The following TNRC18 variants were observed in gnomAD, a reference collection of about 807,000 sequenced individuals.
TNRC18 encodes the protein trinucleotide repeat-containing gene 18 protein.
TNRC18 carries 69 observed loss-of-function variants against 226.7 expected under a neutral mutation model. That is an observed-to-expected ratio of 0.30 (90% confidence interval 0.25 to 0.37). TNRC18 has a LOEUF of 0.37. Among genes scored for constraint, TNRC18 ranks in the 10% least tolerant of loss-of-function variants. TNRC18 has a pLI of 1.00. For missense variants in TNRC18, 4,754 were observed against 4,256.6 expected, an observed-to-expected ratio of 1.12 and a Z score of -3.25; for synonymous variants, 2,449 against 1,927.6, an observed-to-expected ratio of 1.27 and a Z score of -7.09.
intron 18 of TNRC18, among the ~76,000 whole-genome samples, 192 bp from the exon 19 acceptor site, chr7:5,333,241 C>A (rs1789742188): frequency 6.6e-6 from 1 of 152,168 alleles, no homozygotes; most frequent in Non-Finnish European, 1.5e-5. Context: ...CTACGCCTGT[C>A]CCTACGCCGC....
At chr7:5,423,272 G>A (rs966390598) in intron 1 of TNRC18, 169 bp downstream of exon 1, 2 of 152,044 alleles carry the variant, frequency 1.3e-5, no homozygotes, top group Non-Finnish European at 2.9e-5. Flanking sequence ...CCCTCCCGGG[G>A]CGCCCCCTCC....
chr7:5,324,067 G>A lies in TNRC18; in HGVS notation c.6442+147C>T, dbSNP rs542475962. The A allele has an allele frequency of 5.5e-5, 50 of 913,580 alleles. No homozygotes were observed. In the Admixed American group the frequency reaches 9.8e-4, roughly 18 times the overall value. The allele number at this position is 913,580 out of a possible 1,614,324, so 56.6% of individuals were successfully genotyped here. ...GCCAGTCCAGCCTTCTCATCGACCCGGATAACTCAGCCTCAGGATCTCTGC... is the reference window on the plus strand; with the variant it reads ...GCCAGTCCAGCCTTCTCATCGACCCAGATAACTCAGCCTCAGGATCTCTGC... On this transcript the variant is annotated intron_variant, in intron 21 of 29. Coordinates refer to ENST00000430969, the MANE Select transcript of TNRC18 (RefSeq NM_001080495.3). This position sits in a 1 kb window ranked among gnomAD's most constrained non-coding sequence, Gnocchi z 4.8.
In TNRC18 at chr7:5,389,142, G is replaced by C; in HGVS notation, c.682C>G (p.Arg228Gly). The C allele has an allele frequency of 7.6e-7, 1 of 1,319,668 alleles. No homozygotes were observed. Among genetic ancestry groups the C allele is most frequent in the Non-Finnish European group, 9.7e-7 (1 of 1,034,918 alleles). 81.7% of individuals were successfully genotyped at this position (1,319,668 alleles called of 1,614,324 possible). ...PLFGKKDPRA[R>G]GEEASGPRGV... ...CGTGGCCCCGAGGCCTCCTCGCCCC[G>C]GGCGCGCGGGTCCTTCTTGCCGAAA... Residue 228 changes from arginine to glycine, a missense_variant, in exon 5 of 30, where the codon CGG becomes GGG. Arg to Gly is a moderately radical substitution (Grantham distance 125). Transcript: ENST00000430969.
intron 2 of TNRC18, among the ~76,000 whole-genome samples, chr7:5,418,247 A>G (rs988692075): frequency 6.6e-6 from 1 of 152,188 alleles, no homozygotes; most frequent in African/African-American, 2.4e-5. Context: ...CAGGCTGTGA[A>G]TATTTTGTTC....
rs750358050 is a variant in TNRC18 at position 5,308,361 on chromosome 7, C to T, written c.8701-49G>A. ...GATGGCAGGTGGGGGGCACAGAGGC[C>T]GAGGGAGCCCCAGGGAGCCACAGGG... is the stretch of plus-strand genomic sequence containing the variant. On this transcript the variant is annotated intron_variant, in intron 29 of 29. Coordinates refer to ENST00000430969, the MANE Select transcript of TNRC18 (RefSeq NM_001080495.3). 65 of 1,549,276 alleles carry T rather than the reference C, an allele frequency of 4.2e-5. 1 individual carries two copies. The highest frequency in any genetic ancestry group is 1.8e-4 in the Middle Eastern group (1 of 5,506).
At chr7:5,350,570 C>T (rs920335912) in intron 17 of TNRC18, among the ~76,000 whole-genome samples, 3 of 152,164 alleles carry the variant, frequency 2.0e-5, no homozygotes, top group Non-Finnish European at 4.4e-5. Context: ...GGGGGATCCC[C>T]TCAGCTGGCC....
rs1649126135 is a variant in TNRC18 at position 5,370,632 on chromosome 7, C to A, written c.3962G>T (p.Cys1321Phe). The A allele has an allele frequency of 6.2e-7, 1 of 1,612,976 alleles. No individual in the cohort carries two copies. Among genetic ancestry groups the A allele is most frequent in the South Asian group, 1.1e-5 (1 of 91,050 alleles). Residue 1321 changes from cysteine to phenylalanine, a missense_variant, in exon 11 of 30, where the codon TGC (cysteine) becomes TTC (phenylalanine). Cys to Phe is a radical substitution (Grantham distance 205, BLOSUM62 -2). Transcript: ENST00000430969. Reference protein sequence around the residue: ...QEAVPVLGSTCFLEEASSDQF... With the variant: ...QEAVPVLGSTFFLEEASSDQF... Reference sequence around the variant, plus strand: ...GTCAGAGCTTGCCTCTTCCAGGAAGCAGGTGCTGCCGAGTACAGGCACGGC... The same window carrying A: ...GTCAGAGCTTGCCTCTTCCAGGAAGAAGGTGCTGCCGAGTACAGGCACGGC...
chr7:5,419,978 G>A (rs189585037), intron 2 of TNRC18: 223 of 166,146 alleles, frequency 1.3e-3, no homozygotes, highest in Middle Eastern at 6.3e-3. Flanking sequence ...CGAACAGGAG[G>A]TGGATTTTTT....
At chr7:5,315,888 C>A (rs1313805291) in intron 25 of TNRC18, 68 bp downstream of exon 25, 4 of 1,237,328 alleles carry the variant, frequency 3.2e-6, no homozygotes, top group Non-Finnish European at 4.5e-6. Context: ...CAGAGCCGGG[C>A]TTGGAGGGCG....
intron 2 of TNRC18, among the ~76,000 whole-genome samples, chr7:5,406,415 T>C (rs1781465908): frequency 1.3e-5 from 2 of 152,052 alleles, no homozygotes; most frequent in Non-Finnish European, 2.9e-5. Context: ...TGAGCCGAGA[T>C]TGCGCCACTG....
chr7:5,314,038 G>GC (rs1562481015), intron 26 of TNRC18, among the ~76,000 whole-genome samples, 175 bp from the exon 27 acceptor site: 1 of 152,018 alleles, frequency 6.6e-6, no homozygotes, highest in Non-Finnish European at 1.5e-5. Context: ...GCTCATTGCA[G>GC]CCCTAACCTG....
intron 1 of TNRC18, among the ~76,000 whole-genome samples, chr7:5,422,054 G>A (rs550804470): frequency 6.6e-6 from 1 of 152,078 alleles, no homozygotes; most frequent in East Asian, 1.9e-4. Context: ...GAGGAGGGAG[G>A]GTCCAAAGCG....
intron 15 of TNRC18, 116 bp downstream of exon 15, chr7:5,359,282 A>T: frequency 1.9e-6 from 2 of 1,071,584 alleles, no homozygotes; most frequent in Non-Finnish European, 2.8e-6. Flanking sequence ...GAAGACAACC[A>T]CTTCTAAGGT....
In TNRC18 at chr7:5,315,065, C is replaced by A. The variant is rs1310731631; in HGVS notation, c.6946G>T (p.Asp2316Tyr). The change falls in exon 26 of 30, where the codon GAT (aspartate) becomes TAT (tyrosine). Residue 2316 changes from aspartate to tyrosine, a missense_variant. Transcript: ENST00000430969. ...TCCTCCGACCCAGCCGTGCCACCAT[C>A]TTTGCCCTCCCCAGTGTCTTTGCTG... Reference protein sequence around the residue: ...KTSKDTGEGKDGGTAGSEEPG... With the variant: ...KTSKDTGEGKYGGTAGSEEPG... 6.2e-7 allele frequency: 1 copy of A among 1,612,146 alleles called. No individual in the cohort carries two copies. The highest frequency in any genetic ancestry group is 8.5e-7 in the Non-Finnish European group (1 of 1,179,320).
chr7:5,402,251 A>C (rs1039165298), intron 2 of TNRC18, among the ~76,000 whole-genome samples: 3 of 148,324 alleles, frequency 2.0e-5, no homozygotes, highest in Non-Finnish European at 4.5e-5. Context: ...AATTTTTTTT[A>C]GGCCAGGCAC....
At chr7:5,334,967 G>A (rs186031428) in intron 18 of TNRC18, among the ~76,000 whole-genome samples, 47 of 152,238 alleles carry the variant, frequency 3.1e-4, no homozygotes, top group African/African-American at 1.1e-3. Flanking sequence ...TCAGCACCAG[G>A]AAAGAGAAGT....
Position 5,308,295 on chromosome 7 carries a change from G to A in TNRC18, c.8718C>T (p.Ser2906=). ...GCACGTCATTTTCGTCCACATGCGA[G>A]GACTGGTATAGCGCGCGCTGCGGGC... ...KDFMERALYQ[S]SHVDENDVQT... The change falls in exon 30 of 30, where the codon TCC becomes TCT. Residue 2906 remains serine, a synonymous_variant. Coordinates refer to ENST00000430969, the MANE Select transcript of TNRC18 (RefSeq NM_001080495.3). The A allele has an allele frequency of 1.9e-6, 3 of 1,612,574 alleles. No homozygotes were observed. Among genetic ancestry groups the A allele is most frequent in the Non-Finnish European group, 2.5e-6 (3 of 1,179,306 alleles).
chr7:5,413,546 C>T (rs1255058021), intron 2 of TNRC18, among the ~76,000 whole-genome samples: 2 of 152,192 alleles, frequency 1.3e-5, no homozygotes, highest in Non-Finnish European at 2.9e-5. Context: ...TATGTTTTGA[C>T]ACAGGGTCTC....
intron 2 of TNRC18, among the ~76,000 whole-genome samples, chr7:5,404,350 G>T (rs1053322768): frequency 2.0e-5 from 3 of 151,818 alleles, no homozygotes; most frequent in Non-Finnish European, 2.9e-5. Flanking sequence ...CAGCCTGGGC[G>T]ACAGAGCAAG....
Sources: gnomAD v4.1 joint callset for allele counts (sites outside exome capture counted in the v4.1 genomes callset) on GRCh38, gnomAD v4.1.1 for gene constraint, Gnocchi (gnomAD v3.1) non-coding constraint, MANE v1.5 for transcripts, NCBI Gene and HGNC (gene_info 2026-07-23, HGNC 2026-07-21) for gene names.